Variants in FAM200A observed in about 807,000 individuals in gnomAD.
FAM200A encodes the protein protein FAM200A.
A neutral mutation model predicts 44.2 loss-of-function variants in FAM200A; 26 were observed. The ratio of observed to expected loss-of-function variants is 0.59; its 90% CI spans 0.43 to 0.82. The LOEUF is 0.82. Ranked by LOEUF, FAM200A falls within the 40% of genes least tolerant of loss-of-function variation. The pLI is 0.00. For synonymous variants in FAM200A, 206 were observed against 244.4 expected, an observed-to-expected ratio of 0.84 and a Z score of 1.47; for missense variants, 606 against 669.5, an observed-to-expected ratio of 0.91 and a Z score of 1.05.
upstream of FAM200A, chr7:99,552,155 C>G (rs543106480): frequency 2.3e-5 from 23 of 985,512 alleles, no homozygotes; most frequent in Middle Eastern, 5.2e-4. Context: ...CGGAGCTGCG[C>G]TCCGCTTCGG....
intron 1 of FAM200A, among the ~76,000 whole-genome samples, chr7:99,557,423 G>A (rs1802725130): frequency 6.6e-6 from 1 of 152,192 alleles, no homozygotes; most frequent in Non-Finnish European, 1.5e-5. Context: ...ATATTAAAAT[G>A]GCCGTTATGA....
At chr7:99,555,390 C>G (rs1802657962), upstream of FAM200A, among the ~76,000 whole-genome samples, 1 of 152,192 alleles carries the variant, frequency 6.6e-6, no homozygotes, top group Non-Finnish European at 1.5e-5. Context: ...TTTCTGACTT[C>G]TAGCCTCCAG....
chr7:99,553,107 T>A (rs1365111000), upstream of FAM200A, among the ~76,000 whole-genome samples: 89 of 121,174 alleles, frequency 7.3e-4, 1 homozygote, highest in South Asian at 2.0e-3. Flanking sequence ...ATATTTTTTT[T>A]TTTTTTTTTT....
intron 1 of FAM200A, 124 bp downstream of exon 1, chr7:99,551,730 T>G: frequency 1.3e-6 from 1 of 787,646 alleles, no homozygotes; most frequent in Non-Finnish European, 1.5e-6. Flanking sequence ...ACTGGGGTCA[T>G]TTTGTCCGCG....
At chr7:99,556,684 C>A (rs1228196087), upstream of FAM200A, among the ~76,000 whole-genome samples, 1 of 152,058 alleles carries the variant, frequency 6.6e-6, no homozygotes, top group Non-Finnish European at 1.5e-5. Context: ...TTTTGGCAAT[C>A]CTAAATCCTT....
At position 99,547,363 on chromosome 7, in the gene FAM200A, C is replaced by T; in HGVS notation, c.1045G>A (p.Asp349Asn). The T allele has an allele frequency of 6.5e-7, 1 of 1,549,634 alleles. No homozygotes were observed. Among genetic ancestry groups the T allele is most frequent in the South Asian group, 1.2e-5 (1 of 83,382 alleles). ...AATTCATTAAGAATGCCAAAAATATCACTTAAATATGCCAATTTTGTTACC... is the reference window on the plus strand; with the variant it reads ...AATTCATTAAGAATGCCAAAAATATTACTTAAATATGCCAATTTTGTTACC... ...IWVTKLAYLS[D>N]IFGILNELSL... The change falls in exon 2 of 2, where the codon GAT becomes AAT. Residue 349 changes from aspartate to asparagine, a missense_variant. Coordinates refer to ENST00000449309, the MANE Select transcript of FAM200A (RefSeq NM_145111.4).
intron 1 of FAM200A, among the ~76,000 whole-genome samples, chr7:99,550,546 C>T (rs898548436): frequency 3.9e-5 from 6 of 152,118 alleles, no homozygotes; most frequent in Non-Finnish European, 5.9e-5. Context: ...TTCAGTCTAT[C>T]GGCAGATTCC....
At position 99,546,892 on chromosome 7, in the gene FAM200A, A is replaced by G. The variant is rs1477046713; in HGVS notation, c.1516T>C (p.Phe506Leu). ...SAFWIKIKDD[F>L]PLLSRKSILL... is the part of the protein sequence containing the mutation. ...ATACTCTTCCTACTTAGCAGTGGAA[A>G]GTCATCTTTAATCTTAATCCAAAAT... is the stretch of plus-strand genomic sequence containing the variant. Residue 506 changes from phenylalanine to leucine, a missense_variant, in exon 2 of 2, where the codon TTT becomes CTT. Coordinates refer to ENST00000449309, the MANE Select transcript of FAM200A (RefSeq NM_145111.4). 3 of 1,549,628 alleles carry G rather than the reference A, an allele frequency of 1.9e-6. No individual in the cohort carries two copies. Among genetic ancestry groups the G allele is most frequent in the Non-Finnish European group, 2.6e-6 (3 of 1,146,464 alleles).
In FAM200A at chr7:99,548,342, G is replaced by A. The variant is rs768996017; in HGVS notation, c.66C>T (p.Ile22=). ...SPGGTQEMEG[I]VIVKVEEEDE... is the part of the protein sequence containing the mutation. ...CTTCCTCCTCCACCTTCACTATCAC[G>A]ATGCCTTCCATCTCCTGGGTACCCC... The change falls in exon 2 of 2, where the codon ATC becomes ATT. Residue 22 remains isoleucine (I), a synonymous_variant. Coordinates refer to ENST00000449309, the MANE Select transcript of FAM200A (RefSeq NM_145111.4). 1.2e-5 allele frequency: 20 copies of A among 1,613,986 alleles called. 1 individual carries two copies. The highest frequency in any genetic ancestry group is 1.2e-4 in the South Asian group (11 of 91,072).
rs1301220111 is a variant in FAM200A at position 99,547,815 on chromosome 7, T to G, written c.593A>C (p.Gln198Pro). 12 of 1,551,450 alleles carry G rather than the reference T, an allele frequency of 7.7e-6. No individual in the cohort carries two copies. In the Admixed American group the frequency reaches 9.8e-5, roughly 13 times the overall value. ...FTELENCLLG[Q>P]YKLNWKHCKG... ...ACAATGTTTCCAGTTTAATTTATACTGACCAAGAAGGCAGTTTTCTAATTC... is the reference window on the plus strand; with the variant it reads ...ACAATGTTTCCAGTTTAATTTATACGGACCAAGAAGGCAGTTTTCTAATTC... Residue 198 changes from glutamine to proline, a missense_variant, in exon 2 of 2, where the codon CAG becomes CCG. Transcript: ENST00000449309.
In FAM200A at chr7:99,547,260, A is replaced by G. The variant is rs1802410347; in HGVS notation, c.1148T>C (p.Leu383Ser). The G allele has an allele frequency of 6.4e-7, 1 of 1,551,314 alleles. No individual in the cohort carries two copies. The highest frequency in any genetic ancestry group is 2.0e-5 in the Admixed American group (1 of 50,962). The change falls in exon 2 of 2, where the codon TTA (leucine) becomes TCA (serine). Residue 383 changes from leucine to serine, a missense_variant. By Grantham distance (145) the Leu-to-Ser change is moderately radical. Transcript: ENST00000449309. ...ACTTTTAAGTCTTGCTTGCCACAAT[A>G]ATAACGTCTTTTGGAATCCTAGAAT... ...EHILGFQKTL[L>S]LWQARLKSNR... is the part of the protein sequence containing the mutation.
In FAM200A at chr7:99,548,374, A is replaced by G. The variant is rs1297571418; in HGVS notation, c.34T>C (p.Ser12Pro). The change falls in exon 2 of 2, where the codon TCT becomes CCT. Residue 12 changes from serine (S) to proline (P), a missense_variant. Physicochemically the swap from Ser to Pro is moderately conservative, Grantham distance 74 (BLOSUM62 -1). Coordinates refer to ENST00000449309, the MANE Select transcript of FAM200A (RefSeq NM_145111.4). ...TPESRDTTDL[S>P]PGGTQEMEGI... is the part of the protein sequence containing the mutation. Reference sequence around the variant, plus strand: ...TCCATCTCCTGGGTACCCCCTGGAGACAAATCTGTAGTATCCCTTGATTCA... The same window carrying G: ...TCCATCTCCTGGGTACCCCCTGGAGGCAAATCTGTAGTATCCCTTGATTCA... 1.2e-6 allele frequency: 2 copies of G among 1,613,760 alleles called. No homozygotes were observed. Among genetic ancestry groups the G allele is most frequent in the African/African-American group, 1.3e-5 (1 of 74,836 alleles).
At chr7:99,555,150 G>C (rs1305374468), upstream of FAM200A, among the ~76,000 whole-genome samples, 3 of 152,156 alleles carry the variant, frequency 2.0e-5, no homozygotes, top group South Asian at 2.1e-4. Flanking sequence ...TTCAAGATGA[G>C]GTCATAGTGG....
intron 1 of FAM200A, among the ~76,000 whole-genome samples, chr7:99,558,122 C>T (rs566556680): frequency 6.6e-6 from 1 of 152,182 alleles, no homozygotes; most frequent in Admixed American, 6.5e-5. Context: ...TCCCCGCTTT[C>T]CCCAAGGACC....
chr7:99,547,127 G>C lies in FAM200A; in HGVS notation c.1281C>G (p.Leu427=). The C allele has an allele frequency of 6.5e-7, 1 of 1,547,260 alleles. No individual in the cohort carries two copies. The highest frequency in any genetic ancestry group is 8.7e-7 in the Non-Finnish European group (1 of 1,145,790). The part of the protein sequence containing the change: ...KEIKLEILLH[L]TSLSQTFNYY... ...AATTAAAAGTTTGAGACAAAGAAGT[G>C]AGATGCAACAATATCTCTAATTTTA... Residue 427 remains leucine, a synonymous_variant, in exon 2 of 2, where the codon CTC becomes CTG. Coordinates refer to ENST00000449309, the MANE Select transcript of FAM200A (RefSeq NM_145111.4).
rs1250701329 is a variant in FAM200A at position 99,546,703 on chromosome 7, C to G, written c.1705G>C (p.Ala569Pro). Reference sequence around the variant, plus strand: ...GTTTGTATTTAATGTGATGGGTGTGCTTGTCTGTTCATAAGTTCCTTCCAG... The same window carrying G: ...GTTTGTATTTAATGTGATGGGTGTGGTTGTCTGTTCATAAGTTCCTTCCAG... The part of the protein sequence containing the change: ...PDWKELMNRQ[A>P]HPSH Residue 569 changes from alanine (A) to proline (P), a missense_variant, in exon 2 of 2, where the codon GCA becomes CCA. Transcript: ENST00000449309. The G allele has an allele frequency of 1.2e-5, 18 of 1,528,606 alleles. No individual in the cohort carries two copies. Among genetic ancestry groups the G allele is most frequent in the South Asian group, 7.5e-5 (6 of 79,720 alleles). 94.7% of individuals were successfully genotyped at this position (1,528,606 alleles called of 1,614,324 possible).
chr7:99,546,918 G>T lies in FAM200A; in HGVS notation c.1490C>A (p.Ala497Glu). 6.5e-7 allele frequency: 1 copy of T among 1,548,942 alleles called. No homozygotes were observed. Among genetic ancestry groups the T allele is most frequent in the Non-Finnish European group, 8.7e-7 (1 of 1,146,294 alleles). The change falls in exon 2 of 2, where the codon GCA becomes GAA. Residue 497 changes from alanine (A) to glutamate (E), a missense_variant. Physicochemically the swap from Ala to Glu is moderately radical, Grantham distance 107. Transcript: ENST00000449309. Reference protein sequence around the residue: ...KNYYKILSLSAFWIKIKDDFP... With the variant: ...KNYYKILSLSEFWIKIKDDFP... ...GTCATCTTTAATCTTAATCCAAAAT[G>T]CTGATAAACTTAATATCTTATAATA...
In FAM200A at chr7:99,547,184, C is replaced by A. The variant is rs1406328047; in HGVS notation, c.1224G>T (p.Glu408Asp). Residue 408 changes from glutamate to aspartate, a missense_variant, in exon 2 of 2, where the codon GAG becomes GAT. Transcript: ENST00000449309. ...TTAAGCAGTCTTCATTAATAATGTT[C>A]TCTTCGATGTGTTGCAATAATGTTG... ...MFPTLLQHIE[E>D]NIINEDCLKE... 7.8e-6 allele frequency: 12 copies of A among 1,548,264 alleles called. No individual in the cohort carries two copies. The highest frequency in any genetic ancestry group is 2.4e-5 in the South Asian group (2 of 82,696).
chr7:99,558,066 C>G (rs1356828255), intron 1 of FAM200A, among the ~76,000 whole-genome samples: 1 of 152,166 alleles, frequency 6.6e-6, no homozygotes, highest in African/African-American at 2.4e-5. Context: ...TGTCAGTTTC[C>G]TCCGTCTCTC....
Sources: allele counts gnomAD v4.1 joint callset (sites outside exome capture counted in the v4.1 genomes callset), GRCh38; gene constraint gnomAD v4.1.1; transcripts MANE v1.5; gene names NCBI Gene and HGNC (gene_info 2026-07-23, HGNC 2026-07-21).